COPG2: variants seen among roughly 807,000 people sequenced by gnomAD.
COPG2 encodes coatomer subunit gamma-2.
COPG2 carries 37 observed loss-of-function variants against 46.3 expected under a neutral mutation model. That is an observed-to-expected ratio of 0.80 (90% CI 0.61 to 1.05). The LOEUF is 1.05. Among genes scored for constraint, COPG2 ranks in the 50% least tolerant of loss-of-function variants. The pLI, the probability that COPG2 is intolerant of heterozygous loss-of-function variation, is 0.00. For synonymous variants in COPG2, 159 were observed against 129.7 expected (o/e 1.23, Z -1.53); for missense variants, 427 against 387.8 (o/e 1.10, Z -0.85).
chr7:130,580,222 G>A (rs1794105905), intron 9 of COPG2, among the ~76,000 whole-genome samples: 2 of 152,030 alleles, frequency 1.3e-5, no homozygotes, highest in Non-Finnish European at 2.9e-5. Context: ...CATAGAAACT[G>A]AACAACCTGC....
intron 20 of COPG2, among the ~76,000 whole-genome samples, chr7:130,531,589 C>T: frequency 6.6e-6 from 1 of 151,982 alleles, no homozygotes; most frequent in Admixed American, 6.6e-5. Flanking sequence ...ACAACTCTCA[C>T]AAAGAGTGGG....
intron 3 of COPG2, among the ~76,000 whole-genome samples, chr7:130,664,710 T>C (rs1274725127): frequency 6.6e-6 from 1 of 152,214 alleles, no homozygotes; most frequent in Non-Finnish European, 1.5e-5. Context: ...TAAAAATACA[T>C]GTTACTCTCA....
At chr7:130,637,626 A>G (rs1336008269) in intron 5 of COPG2, among the ~76,000 whole-genome samples, 1 of 151,760 alleles carries the variant, frequency 6.6e-6, no homozygotes, top group Non-Finnish European at 1.5e-5. Flanking sequence ...AACTCCTCTA[A>G]CCTTTTTTCA....
At chr7:130,609,798 A>C (rs1236138094) in intron 9 of COPG2, among the ~76,000 whole-genome samples, 1 of 152,140 alleles carries the variant, frequency 6.6e-6, no homozygotes, top group Non-Finnish European at 1.5e-5. Flanking sequence ...AAGTGCTTCA[A>C]ATAAATTTTT....
At chr7:130,548,329 T>C (rs2116382133) in intron 19 of COPG2, 74 bp downstream of exon 19, 1 of 397,848 alleles carries the variant, frequency 2.5e-6, no homozygotes, top group South Asian at 1.3e-4. Context: ...ACTAGAATTA[T>C]AGGTAAAGGA....
chr7:130,588,718 G>T (rs892457992), intron 9 of COPG2, among the ~76,000 whole-genome samples: 2 of 152,028 alleles, frequency 1.3e-5, no homozygotes, highest in Non-Finnish European at 2.9e-5. Flanking sequence ...AATGGGTGCA[G>T]CACACCAGCA....
At chr7:130,661,177 A>G (rs1420314967) in intron 4 of COPG2, among the ~76,000 whole-genome samples, 3 of 152,220 alleles carry the variant, frequency 2.0e-5, no homozygotes, top group Non-Finnish European at 2.9e-5. Flanking sequence ...AGACAATTTC[A>G]TATCTTCTTT....
chr7:130,529,005 T>G (rs1799800181), intron 20 of COPG2, among the ~76,000 whole-genome samples: 1 of 152,018 alleles, frequency 6.6e-6, no homozygotes, highest in Admixed American at 6.6e-5. Context: ...TGCTGGCACC[T>G]TGGAAAAGCT....
chr7:130,534,584 A>G (rs1053508981), intron 20 of COPG2, among the ~76,000 whole-genome samples: 285 of 152,292 alleles, frequency 1.9e-3, no homozygotes, highest in African/African-American at 6.4e-3. Flanking sequence ...ATGGGGATGC[A>G]GCAATACAGA....
chr7:130,621,881 T>C (rs948898277), intron 5 of COPG2, among the ~76,000 whole-genome samples: 3 of 143,194 alleles, frequency 2.1e-5, no homozygotes, highest in Non-Finnish European at 3.0e-5. Context: ...GAGATGGAGG[T>C]TGCAGTGAGC....
In COPG2 at chr7:130,574,548, A is replaced by C. The variant is rs531811351; in HGVS notation, c.738-10155T>G. ...TGAGACAAAAGAATCAGAACAACAG[A>C]CTTCCGCCTAGACCTTCCCTCTGAC... On this transcript the variant is annotated intron_variant, in intron 9 of 23. Coordinates refer to ENST00000425248, the MANE Select transcript of COPG2 (RefSeq NM_012133.6). Among the ~76,000 whole-genome samples the C allele has an allele frequency of 5.9e-5, 9 of 152,248 alleles. No individual in the cohort carries two copies. The East Asian group carries it at 1.7e-3, about 29-fold the overall frequency.
intron 9 of COPG2, chr7:130,605,319 C>T (rs990283554): frequency 1.9e-6 from 1 of 513,684 alleles, no homozygotes; most frequent in Admixed American, 2.0e-5. Context: ...CCAAAGATGT[C>T]TATGTCTTCA....
intron 5 of COPG2, among the ~76,000 whole-genome samples, chr7:130,648,499 G>A (rs1205081449): frequency 6.6e-6 from 1 of 152,140 alleles, no homozygotes; most frequent in African/African-American, 2.4e-5. Flanking sequence ...AATTTGGTGT[G>A]GGTGAGACTC....
At chr7:130,560,308 G>A (rs1793698195) in intron 12 of COPG2, among the ~76,000 whole-genome samples, 1 of 152,124 alleles carries the variant, frequency 6.6e-6, no homozygotes, top group East Asian at 1.9e-4. Context: ...GACCTCTAGA[G>A]TAAACACTAC....
intron 5 of COPG2, among the ~76,000 whole-genome samples, chr7:130,622,100 G>A (rs960024299): frequency 4.7e-4 from 71 of 152,220 alleles, no homozygotes; most frequent in African/African-American, 1.3e-3. Flanking sequence ...TTAGGAAGGT[G>A]TTCAGACGGT....
At chr7:130,628,350 T>G (rs1554454613) in intron 5 of COPG2, among the ~76,000 whole-genome samples, 3 of 152,148 alleles carry the variant, frequency 2.0e-5, no homozygotes, top group Non-Finnish European at 4.4e-5. Context: ...CTTTACTAGT[T>G]TATTGTTTAT....
At chr7:130,539,481 T>C (rs1008775868) in intron 20 of COPG2, among the ~76,000 whole-genome samples, 3 of 151,780 alleles carry the variant, frequency 2.0e-5, no homozygotes, top group Non-Finnish European at 4.4e-5. Flanking sequence ...AGAGAGAGGA[T>C]GGAAAAGTTT....
At chr7:130,631,744 T>TAAGG (rs35577789) in intron 5 of COPG2, among the ~76,000 whole-genome samples, 2 of 151,584 alleles carry the variant, frequency 1.3e-5, no homozygotes, top group Non-Finnish European at 2.9e-5. Flanking sequence ...CATACTAAAT[T>TAAGG]CTTTTCTTTA....
chr7:130,508,520 T>C (rs1799540985), intron 21 of COPG2, 42 bp downstream of exon 21: 1 of 741,368 alleles, frequency 1.3e-6, no homozygotes, highest in African/African-American at 1.7e-5. Context: ...CACTTAGTGT[T>C]GTGAAGGTGT....
Sources: allele counts gnomAD v4.1 joint callset (sites outside exome capture counted in the v4.1 genomes callset), GRCh38; gene constraint gnomAD v4.1.1; transcripts MANE v1.5; gene names NCBI Gene and HGNC (gene_info 2026-07-23, HGNC 2026-07-21).